Variants in FBXL17 observed in about 807,000 individuals in gnomAD.
FBXL17 encodes F-box/LRR-repeat protein 17.
A neutral mutation model predicts 66.2 loss-of-function variants in FBXL17; 22 were observed. That is an observed-to-expected ratio of 0.33 (90% CI 0.24 to 0.47). The LOEUF is 0.47. FBXL17 is among the 20% of genes least tolerant of loss of function. FBXL17 has a pLI of 1.00. For synonymous variants in FBXL17, 474 were observed against 400.5 expected (o/e 1.18, Z -2.19); for missense variants, 878 against 948.2 (o/e 0.93, Z 0.97).
chr5:108,288,304 A>G (rs532459740), intron 4 of FBXL17, among the ~76,000 whole-genome samples: 22 of 144,102 alleles, frequency 1.5e-4, no homozygotes, highest in African/African-American at 4.3e-4. Flanking sequence ...TAACATTTAG[A>G]AAAAAAAAAA....
At chr5:108,371,588 T>C (rs1749041291) in intron 1 of FBXL17, among the ~76,000 whole-genome samples, 2 of 152,050 alleles carry the variant, frequency 1.3e-5, no homozygotes, top group Non-Finnish European at 2.9e-5. Flanking sequence ...GACATTGGAC[T>C]TACTAGACAA....
At chr5:108,101,766 C>A (rs531121575) in intron 6 of FBXL17, among the ~76,000 whole-genome samples, 1 of 152,328 alleles carries the variant, frequency 6.6e-6, no homozygotes, top group Non-Finnish European at 1.5e-5. Flanking sequence ...CTTTTAATTA[C>A]CACCTACACT....
At chr5:107,903,611 A>G (rs1190800692) in intron 7 of FBXL17, among the ~76,000 whole-genome samples, 2 of 152,188 alleles carry the variant, frequency 1.3e-5, no homozygotes, top group Admixed American at 6.5e-5. Context: ...TGCCTGGTCC[A>G]GAAGCCTGTA....
intron 4 of FBXL17, among the ~76,000 whole-genome samples, chr5:108,224,718 A>G (rs1755023755): frequency 1.3e-5 from 2 of 151,946 alleles, no homozygotes; most frequent in Non-Finnish European, 2.9e-5. Context: ...CAGCCTCCCA[A>G]GTAGCTGGGA....
chr5:108,212,221 G>C (rs6861104), intron 5 of FBXL17, among the ~76,000 whole-genome samples: 7,511 of 152,186 alleles, frequency 0.049, 623 homozygotes, highest in African/African-American at 0.17. Context: ...ATTCCAGTTA[G>C]CGATTCGTCT....
rs754351405 is a variant in FBXL17, at chr5:108,381,302, A to AGCG, written c.387_389dup (p.Ala132dup). 1.4e-3 allele frequency: 1,970 copies of AGCG among 1,401,038 alleles called. 3 individuals carry two copies. The highest frequency in any genetic ancestry group is 1.5e-3 in the Non-Finnish European group (1,671 of 1,082,326). 86.8% of individuals were successfully genotyped at this position (1,401,038 alleles called of 1,614,324 possible). A position where few individuals can be genotyped will look rare whatever the true frequency, so the allele number is the denominator to read the frequency against. On this transcript the variant is annotated inframe_insertion, in exon 1 of 9. Transcript: ENST00000542267. ...AGGCGGGCGACGAAGCCGAGGCGGC[A>AGCG]GCGGCGGCGGCGGCGGCGGCCGAGG...
intron 5 of FBXL17, among the ~76,000 whole-genome samples, chr5:108,215,433 G>T (rs1403402981): frequency 6.6e-6 from 1 of 152,020 alleles, no homozygotes; most frequent in Non-Finnish European, 1.5e-5. Flanking sequence ...ACCTCACTGG[G>T]GTTTCCGATT....
intron 4 of FBXL17, among the ~76,000 whole-genome samples, chr5:108,250,777 C>T (rs1251657215): frequency 6.6e-6 from 1 of 152,080 alleles, no homozygotes; most frequent in Non-Finnish European, 1.5e-5. Context: ...TTGTTTAATG[C>T]AAATGCTCAT....
chr5:108,207,709 A>G (rs949783882), intron 5 of FBXL17, among the ~76,000 whole-genome samples: 7 of 152,106 alleles, frequency 4.6e-5, no homozygotes, highest in African/African-American at 1.4e-4. Flanking sequence ...CATTTTCTTT[A>G]TCCAGTATAT....
At chr5:108,109,829 T>G (rs1749960954) in intron 6 of FBXL17, among the ~76,000 whole-genome samples, 1 of 152,216 alleles carries the variant, frequency 6.6e-6, no homozygotes, top group Non-Finnish European at 1.5e-5. Flanking sequence ...TGAGACATCT[T>G]TGATCACAAT....
chr5:108,306,086 A>C (rs1360023713), intron 4 of FBXL17, among the ~76,000 whole-genome samples: 4 of 152,132 alleles, frequency 2.6e-5, no homozygotes, highest in South Asian at 2.1e-4. Context: ...CTGTTTACAT[A>C]AATGGAAGAA....
At chr5:108,207,733 T>C (rs1754185733) in intron 5 of FBXL17, among the ~76,000 whole-genome samples, 2 of 152,328 alleles carry the variant, frequency 1.3e-5, no homozygotes, top group Non-Finnish European at 2.9e-5. Flanking sequence ...TGATGGACAT[T>C]TGGGTTGGTT....
At chr5:108,177,322 C>T (rs1348467292) in intron 6 of FBXL17, among the ~76,000 whole-genome samples, 2 of 152,092 alleles carry the variant, frequency 1.3e-5, no homozygotes, top group Admixed American at 1.3e-4. Context: ...GGAAAAATTA[C>T]TTTTTACCAA....
chr5:107,938,631 A>G (rs917161551), intron 7 of FBXL17, among the ~76,000 whole-genome samples: 4 of 152,190 alleles, frequency 2.6e-5, no homozygotes, highest in Non-Finnish European at 5.9e-5. Flanking sequence ...TAAGAGAGAA[A>G]GTCAGTAGGT....
chr5:108,242,309 G>A (rs967491266), intron 4 of FBXL17, among the ~76,000 whole-genome samples: 2 of 152,056 alleles, frequency 1.3e-5, no homozygotes, highest in Non-Finnish European at 2.9e-5. Context: ...AGCCTCCCAA[G>A]CAGCTAGGAC....
chr5:108,011,519 T>C (rs764663265), intron 7 of FBXL17, among the ~76,000 whole-genome samples: 5 of 152,112 alleles, frequency 3.3e-5, no homozygotes, highest in Non-Finnish European at 7.4e-5. Flanking sequence ...AGAAAGTTAA[T>C]GGGGCTGGGT....
chr5:108,055,303 AAAAAAAAAAAG>A (rs1561388242), intron 6 of FBXL17, among the ~76,000 whole-genome samples: 2 of 32,052 alleles, frequency 6.2e-5, no homozygotes, highest in Non-Finnish European at 1.1e-4. Context: ...AAAAAAAAAA[AAAAAAAAAAAG>A]AAAAACGCTT....
At chr5:108,290,002 G>T (rs1463709054) in intron 4 of FBXL17, among the ~76,000 whole-genome samples, 1 of 152,152 alleles carries the variant, frequency 6.6e-6, no homozygotes, top group Non-Finnish European at 1.5e-5. Flanking sequence ...CATAGGGAGA[G>T]AATCTACTTT....
At chr5:108,114,735 G>A (rs1750174991) in intron 6 of FBXL17, among the ~76,000 whole-genome samples, 1 of 152,122 alleles carries the variant, frequency 6.6e-6, no homozygotes, top group South Asian at 2.1e-4. Flanking sequence ...TTAGAGATAG[G>A]CCACTGAATG....
Sources: allele counts gnomAD v4.1 joint callset (sites outside exome capture counted in the v4.1 genomes callset), GRCh38; gene constraint gnomAD v4.1.1; transcripts MANE v1.5; gene names NCBI Gene and HGNC (gene_info 2026-07-23, HGNC 2026-07-21).